Variants in HSF2BP observed in about 807,000 individuals in gnomAD.
The protein encoded by HSF2BP is heat shock transcription factor 2 binding protein, also known as heat shock factor 2-binding protein.
In HSF2BP, 35 loss-of-function variants were observed where a neutral mutation model predicts 35.0. The observed-to-expected ratio is 1.00, with a 90% CI of 0.76 to 1.32. The LOEUF (loss-of-function observed/expected upper bound fraction) is 1.32. Ranked by LOEUF, HSF2BP falls within the 40% of genes most tolerant of loss-of-function variation. The pLI is 0.00. For synonymous variants in HSF2BP, 114 were observed against 117.4 expected, an observed-to-expected ratio of 0.97 and a Z score of 0.18; for missense variants, 326 against 321.7, an observed-to-expected ratio of 1.01 and a Z score of -0.10.
chr21:43,584,240 A>G (rs1431636963), intron 8 of HSF2BP, among the ~76,000 whole-genome samples: 1 of 152,074 alleles, frequency 6.6e-6, no homozygotes, highest in African/African-American at 2.4e-5. Flanking sequence ...CTGATGAGGG[A>G]GATGAGGGAG....
chr21:43,633,126 G>T, intron 5 of HSF2BP, 146 bp downstream of exon 5: 2 of 785,614 alleles, frequency 2.5e-6, no homozygotes, highest in Non-Finnish European at 3.9e-6. Flanking sequence ...AACCATATAC[G>T]ATAAGTATTC....
chr21:43,584,065 C>T (rs1202152132), intron 8 of HSF2BP, among the ~76,000 whole-genome samples: 1 of 143,080 alleles, frequency 7.0e-6, no homozygotes, highest in Non-Finnish European at 1.5e-5. Context: ...AGATGAAGGG[C>T]CTGCTGAGGG....
intron 8 of HSF2BP, among the ~76,000 whole-genome samples, chr21:43,574,082 C>T (rs1320488204): frequency 6.6e-6 from 1 of 152,150 alleles, no homozygotes; most frequent in Non-Finnish European, 1.5e-5. Flanking sequence ...CACTGTGGCG[C>T]TCTCACAGGG....
intron 5 of HSF2BP, 78 bp from the exon 6 acceptor site, chr21:43,630,532 A>G: frequency 6.9e-7 from 1 of 1,459,584 alleles, no homozygotes; most frequent in Non-Finnish European, 9.1e-7. Flanking sequence ...CAGGATACAG[A>G]AGATTCTAGT....
chr21:43,656,645 G>A lies in HSF2BP; in HGVS notation c.129C>T (p.Pro43=), dbSNP rs1387457638. 2 of 1,613,906 alleles carry A rather than the reference G, an allele frequency of 1.2e-6. No homozygotes were observed. Among genetic ancestry groups the A allele is most frequent in the Non-Finnish European group, 1.7e-6 (2 of 1,179,922 alleles). Residue 43 remains proline (P), a synonymous_variant, in exon 3 of 9, where the codon CCC becomes CCT. Transcript: ENST00000291560. ...CCAGCACCTCCCCATTTAGTATTCT[G>A]GGTAAGAAGTCCCGTATTTGCATCA... is the stretch of plus-strand genomic sequence containing the variant. ...TEVMQIRDFL[P]RILNGEVLES...
At chr21:43,657,521 G>A (rs935234154) in intron 2 of HSF2BP, among the ~76,000 whole-genome samples, 1 of 152,170 alleles carries the variant, frequency 6.6e-6, no homozygotes, top group South Asian at 2.1e-4. Context: ...TTCACCCCAA[G>A]CCTCCAAGAT....
chr21:43,647,496 G>C (rs1430811641), intron 3 of HSF2BP, among the ~76,000 whole-genome samples: 3 of 152,164 alleles, frequency 2.0e-5, no homozygotes, highest in Non-Finnish European at 4.4e-5. Flanking sequence ...CTCCCAAAGT[G>C]CTGGGATTAC....
At chr21:43,581,800 G>C (rs1345295803) in intron 8 of HSF2BP, among the ~76,000 whole-genome samples, 5 of 126,140 alleles carry the variant, frequency 4.0e-5, no homozygotes. Context: ...ACCTTAGCCA[G>C]TGGTCAGAAG....
intron 8 of HSF2BP, among the ~76,000 whole-genome samples, chr21:43,580,451 A>G (rs2081710548): frequency 6.6e-6 from 1 of 152,218 alleles, no homozygotes; most frequent in Admixed American, 6.5e-5. Flanking sequence ...ACAGTGAAAA[A>G]TCAAACATTT....
intron 7 of HSF2BP, among the ~76,000 whole-genome samples, chr21:43,599,847 TAGACTTTTTCTTCCAA>T (rs946101430): frequency 3.5e-5 from 5 of 141,126 alleles, no homozygotes; most frequent in African/African-American, 1.4e-4. Flanking sequence ...TACTAAGTGT[TAGACTTTTTCTTCCAA>T]TGACAAAAAA....
intron 8 of HSF2BP, among the ~76,000 whole-genome samples, chr21:43,580,548 C>G (rs1018422687): frequency 4.6e-5 from 7 of 152,190 alleles, no homozygotes; most frequent in African/African-American, 1.7e-4. Context: ...AAGGCTGACA[C>G]CTTTGTTCTA....
At chr21:43,592,629 C>A (rs192663031) in intron 7 of HSF2BP, among the ~76,000 whole-genome samples, 13 of 152,274 alleles carry the variant, frequency 8.5e-5, no homozygotes, top group African/African-American at 3.1e-4. Flanking sequence ...TCTTTTATTA[C>A]CAATCCTGCA....
At chr21:43,614,139 G>A (rs1331763577) in intron 6 of HSF2BP, among the ~76,000 whole-genome samples, 192 bp from the exon 7 acceptor site, 2 of 152,140 alleles carry the variant, frequency 1.3e-5, no homozygotes, top group Non-Finnish European at 2.9e-5. Flanking sequence ...TGAGGTGGGA[G>A]GACTGCTTGA....
chr21:43,573,455 A>G (rs2081601840), intron 8 of HSF2BP, among the ~76,000 whole-genome samples: 1 of 152,258 alleles, frequency 6.6e-6, no homozygotes, highest in East Asian at 1.9e-4. Context: ...ATCTTGGAAA[A>G]TAAATTAGAA....
Position 43,627,692 on chromosome 21 carries a change from A to C in HSF2BP, c.574+2630T>G, listed in dbSNP as rs573802609. Among the ~76,000 whole-genome samples, 77 of 152,352 alleles carry C rather than the reference A, an allele frequency of 5.1e-4. 3 individuals carry two copies. In the South Asian group the frequency reaches 0.015, roughly 29 times the overall value. ...GTAAACACCAGTCTCTGTAACAGTCACTACAGCTGAAAAGAATTACAGGCA... is the reference window on the plus strand; with the variant it reads ...GTAAACACCAGTCTCTGTAACAGTCCCTACAGCTGAAAAGAATTACAGGCA... On this transcript the variant is annotated intron_variant, in intron 6 of 8. Transcript: ENST00000291560.
chr21:43,592,191 TACAAGCAGCTGG>T (rs771324785), intron 8 of HSF2BP, 22 bp downstream of exon 8: 1 of 1,421,220 alleles, frequency 7.0e-7, no homozygotes, highest in East Asian at 2.3e-5. Flanking sequence ...GCATAACCCG[TACAAGCAGCTGG>T]ACAGATAACC....
intron 4 of HSF2BP, among the ~76,000 whole-genome samples, chr21:43,637,214 A>G (rs80082547): frequency 1.3e-5 from 2 of 152,326 alleles, no homozygotes; most frequent in East Asian, 3.9e-4. Context: ...TATCCATCCA[A>G]TGGAATATTG....
intron 2 of HSF2BP, among the ~76,000 whole-genome samples, chr21:43,657,414 T>C (rs1400576697): frequency 6.6e-6 from 1 of 152,156 alleles, no homozygotes; most frequent in Non-Finnish European, 1.5e-5. Flanking sequence ...GCCTGCAACT[T>C]TTTATCACTG....
chr21:43,631,141 G>A (rs900837470), intron 5 of HSF2BP, among the ~76,000 whole-genome samples: 1 of 152,136 alleles, frequency 6.6e-6, no homozygotes, highest in African/African-American at 2.4e-5. Flanking sequence ...CAATCTTACA[G>A]TATGTAAATT....
Sources: gnomAD v4.1 joint callset for allele counts (sites outside exome capture counted in the v4.1 genomes callset) on GRCh38, gnomAD v4.1.1 for gene constraint, MANE v1.5 for transcripts, NCBI Gene and HGNC (gene_info 2026-07-23, HGNC 2026-07-21) for gene names.